CCBE1: variants seen among roughly 807,000 people sequenced by gnomAD.
CCBE1 encodes the protein collagen and calcium binding EGF domains 1.
In CCBE1, 37 loss-of-function variants were observed where a neutral mutation model predicts 50.0. The ratio of observed to expected loss-of-function variants is 0.74; its 90% CI spans 0.57 to 0.97. CCBE1 has a LOEUF of 0.97. CCBE1 is among the 50% of genes least tolerant of loss of function. The probability of loss-of-function intolerance (pLI) is 0.00; values close to 1 mark genes in which losing one functional copy is unlikely to be tolerated. For synonymous variants in CCBE1, 234 were observed against 203.7 expected (o/e 1.15, Z -1.27); for missense variants, 538 against 523.8 (o/e 1.03, Z -0.26).
chr18:59,691,234 C>T (rs1319160401), intron 2 of CCBE1, among the ~76,000 whole-genome samples: 1 of 152,218 alleles, frequency 6.6e-6, no homozygotes, highest in Admixed American at 6.5e-5. Flanking sequence ...AGGATATAGT[C>T]ATGAATGAGG....
chr18:59,541,281 T>G (rs1378879230), intron 2 of CCBE1, among the ~76,000 whole-genome samples: 1 of 152,146 alleles, frequency 6.6e-6, no homozygotes, highest in Admixed American at 6.5e-5. Context: ...GAAGGGAAAA[T>G]CATGACAAAT....
intron 2 of CCBE1, among the ~76,000 whole-genome samples, chr18:59,657,169 G>T (rs984247321): frequency 6.6e-6 from 1 of 152,144 alleles, no homozygotes; most frequent in Non-Finnish European, 1.5e-5. Flanking sequence ...TACAACAAAT[G>T]GTTTCAGATT....
chr18:59,535,125 ATTCAGCATGCTGTAG>A (rs56118409), intron 2 of CCBE1, among the ~76,000 whole-genome samples: 44,739 of 152,018 alleles, frequency 0.29, 7,018 homozygotes, highest in Non-Finnish European at 0.35. Context: ...TAGACGAGGC[ATTCAGCATGCTGTAG>A]TTCTGCCTTC....
chr18:59,512,440 G>A (rs970488563), intron 2 of CCBE1, among the ~76,000 whole-genome samples: 6 of 152,256 alleles, frequency 3.9e-5, no homozygotes, highest in African/African-American at 1.4e-4. Context: ...GAGCAACAGT[G>A]CCTGCTGCAT....
At chr18:59,675,797 A>G (rs920703564) in intron 2 of CCBE1, among the ~76,000 whole-genome samples, 1 of 152,210 alleles carries the variant, frequency 6.6e-6, no homozygotes, top group East Asian at 1.9e-4. Flanking sequence ...CTGCTAGAGG[A>G]GGTATACATC....
intron 7 of CCBE1, among the ~76,000 whole-genome samples, chr18:59,446,651 C>T (rs564224037): frequency 6.6e-6 from 1 of 152,340 alleles, no homozygotes; most frequent in South Asian, 2.1e-4. Context: ...GACTTTCCAA[C>T]CGAAAACCCA....
chr18:59,467,793 A>T (rs1177190543), intron 4 of CCBE1, among the ~76,000 whole-genome samples: 1 of 152,098 alleles, frequency 6.6e-6, no homozygotes, highest in Non-Finnish European at 1.5e-5. Context: ...GATGGCAACA[A>T]CTTCCCAGCC....
At chr18:59,443,644 T>C (rs1235707026) in intron 7 of CCBE1, among the ~76,000 whole-genome samples, 5 of 152,052 alleles carry the variant, frequency 3.3e-5, no homozygotes, top group African/African-American at 1.2e-4. Context: ...TTTTTTTGTA[T>C]TTTCAGTAGA....
rs149062893 is a variant in CCBE1 at position 59,495,410 on chromosome 18, T to TTTTC, written c.213-15173_213-15172insGAAA. ...CAGGGCCTCTTTTTTTTTTTTTTTT[T>TTTTC]CCAGAGCGGGAAACAGAGGTTCAAA... On this transcript the variant is annotated intron_variant, in intron 2 of 10. Coordinates refer to ENST00000439986, the MANE Select transcript of CCBE1 (RefSeq NM_133459.4). Among the ~76,000 whole-genome samples the TTTTC allele has an allele frequency of 1.1e-3, 163 of 144,944 alleles. 2 individuals carry two copies. Among genetic ancestry groups the TTTTC allele is most frequent in the East Asian group, 7.9e-3 (38 of 4,794 alleles).
At chr18:59,636,205 A>C (rs564882259) in intron 2 of CCBE1, among the ~76,000 whole-genome samples, 4 of 152,198 alleles carry the variant, frequency 2.6e-5, no homozygotes, top group Non-Finnish European at 5.9e-5. Flanking sequence ...CATATCTAAA[A>C]TACAGAACAC....
intron 2 of CCBE1, among the ~76,000 whole-genome samples, chr18:59,693,807 G>A (rs1265986940): frequency 6.9e-6 from 1 of 144,566 alleles, no homozygotes; most frequent in East Asian, 2.2e-4. Flanking sequence ...CAGCCTCAGT[G>A]AAAATTGTTT....
chr18:59,547,067 G>GAGGGGGAC (rs1915721743), intron 2 of CCBE1, among the ~76,000 whole-genome samples: 14 of 104,178 alleles, frequency 1.3e-4, no homozygotes, highest in Non-Finnish European at 2.5e-4. Context: ...GAGAGGGGGA[G>GAGGGGGAC]AGAGGGGGAG....
chr18:59,671,582 A>T (rs908111840), intron 2 of CCBE1, among the ~76,000 whole-genome samples: 3 of 152,110 alleles, frequency 2.0e-5, no homozygotes, highest in African/African-American at 7.2e-5. Flanking sequence ...CTTCAGCAAG[A>T]AAAGTGATAG....
intron 2 of CCBE1, among the ~76,000 whole-genome samples, chr18:59,648,257 A>C (rs753379179): frequency 6.6e-6 from 1 of 152,208 alleles, no homozygotes; most frequent in Non-Finnish European, 1.5e-5. Flanking sequence ...TTAATGGTGG[A>C]GAAAAGAAAG....
At chr18:59,465,933 G>A (rs1230589949) in intron 5 of CCBE1, among the ~76,000 whole-genome samples, 1 of 152,016 alleles carries the variant, frequency 6.6e-6, no homozygotes, top group Admixed American at 6.6e-5. Context: ...GTACACACTA[G>A]CTTACAACCC....
chr18:59,691,978 T>C (rs1463082313), intron 2 of CCBE1, among the ~76,000 whole-genome samples: 1 of 152,214 alleles, frequency 6.6e-6, no homozygotes, highest in African/African-American at 2.4e-5. Flanking sequence ...CTGGCTCTTA[T>C]GGTCATGAGT....
intron 2 of CCBE1, among the ~76,000 whole-genome samples, chr18:59,539,618 C>T (rs1197866288): frequency 6.6e-6 from 1 of 152,182 alleles, no homozygotes; most frequent in African/African-American, 2.4e-5. Context: ...ATAACTAACA[C>T]AAATGACAAA....
chr18:59,574,043 T>A (rs773670999), intron 2 of CCBE1, among the ~76,000 whole-genome samples: 5 of 152,224 alleles, frequency 3.3e-5, no homozygotes, highest in Non-Finnish European at 7.3e-5. Context: ...ACATGTTCTA[T>A]CTGTGCTACG....
chr18:59,621,343 A>G (rs544738707), intron 2 of CCBE1, among the ~76,000 whole-genome samples: 1 of 152,116 alleles, frequency 6.6e-6, no homozygotes, highest in Non-Finnish European at 1.5e-5. Flanking sequence ...CTTGGGCTTG[A>G]ACTAATCACA....
Sources: allele counts gnomAD v4.1 joint callset (sites outside exome capture counted in the v4.1 genomes callset), GRCh38; gene constraint gnomAD v4.1.1; transcripts MANE v1.5; gene names NCBI Gene and HGNC (gene_info 2026-07-23, HGNC 2026-07-21).